The following GALNT17 variants were observed in gnomAD, a reference collection of about 807,000 sequenced individuals.
GALNT17 encodes polypeptide N-acetylgalactosaminyltransferase 17.
GALNT17 carries 29 observed loss-of-function variants against 63.7 expected under a neutral mutation model. The observed-to-expected ratio is 0.46, with a 90% confidence interval of 0.34 to 0.62. The LOEUF (loss-of-function observed/expected upper bound fraction) is 0.62, where lower values mean the gene tolerates loss of function less well. GALNT17 is among the 20% of genes least tolerant of loss of function. The pLI is 0.01. For missense variants in GALNT17, 603 were observed against 799.6 expected (o/e 0.75, Z 2.97); for synonymous variants, 305 against 318.3 (o/e 0.96, Z 0.45).
chr7:71,179,011 T>C (rs1788688191), intron 1 of GALNT17, among the ~76,000 whole-genome samples: 1 of 152,216 alleles, frequency 6.6e-6, no homozygotes, highest in African/African-American at 2.4e-5. Context: ...AATGGATTTT[T>C]ATCTAACAGA....
intron 6 of GALNT17, among the ~76,000 whole-genome samples, chr7:71,581,812 C>T (rs1789639535): frequency 6.6e-6 from 1 of 152,136 alleles, no homozygotes; most frequent in Admixed American, 6.5e-5. Flanking sequence ...AGTAGCAGTT[C>T]TCTCTAACCT....
At chr7:71,351,942 G>A (rs927195006) in intron 2 of GALNT17, among the ~76,000 whole-genome samples, 1 of 152,122 alleles carries the variant, frequency 6.6e-6, no homozygotes, top group African/African-American at 2.4e-5. Flanking sequence ...AGAGATGTAA[G>A]GAGTCCAGTT....
At position 71,603,437 on chromosome 7, in the gene GALNT17, A is replaced by T. The variant is rs193207931; in HGVS notation, c.1080+32035A>T. Among the ~76,000 whole-genome samples, 7 of 152,246 alleles carry T rather than the reference A, an allele frequency of 4.6e-5. No homozygotes were observed. The East Asian group carries it at 1.4e-3, about 29-fold the overall frequency. On this transcript the variant is annotated intron_variant, in intron 6 of 10. Coordinates refer to ENST00000333538, the MANE Select transcript of GALNT17 (RefSeq NM_022479.3). Reference sequence around the variant, plus strand: ...ACTATGCTAAGTGCATATACCAGATACTATGCGAAGTGCATATACCAGGTA... The same window carrying T: ...ACTATGCTAAGTGCATATACCAGATTCTATGCGAAGTGCATATACCAGGTA...
chr7:71,504,750 A>G (rs534941659), intron 5 of GALNT17, among the ~76,000 whole-genome samples: 2 of 152,044 alleles, frequency 1.3e-5, no homozygotes, highest in Non-Finnish European at 1.5e-5. Flanking sequence ...CAGTTTACTT[A>G]TTGGGCCTGG....
At chr7:71,374,085 C>T (rs1792677137) in intron 2 of GALNT17, among the ~76,000 whole-genome samples, 1 of 152,042 alleles carries the variant, frequency 6.6e-6, no homozygotes, top group Non-Finnish European at 1.5e-5. Context: ...AAAGGTAATG[C>T]GTTTTTGGTG....
At chr7:71,222,861 AG>A (rs1789612675) in intron 1 of GALNT17, among the ~76,000 whole-genome samples, 3 of 152,124 alleles carry the variant, frequency 2.0e-5, no homozygotes. Flanking sequence ...ACTTGAGGCC[AG>A]GAGTTCAAGG....
rs181608332 is a variant in GALNT17 at position 71,403,963 on chromosome 7, A to G, written c.590-11926A>G. ...GAAAGAAAAACACAGCCCAGCCTGT[A>G]GACAAATTTGATTGCTGAAATTCAC... is the stretch of plus-strand genomic sequence containing the variant. On this transcript the variant is annotated intron_variant, in intron 3 of 10. Transcript: ENST00000333538. Among the ~76,000 whole-genome samples, 3 of 152,366 alleles carry G rather than the reference A, an allele frequency of 2.0e-5. No homozygotes were observed. In the East Asian group the frequency reaches 5.8e-4, roughly 29 times the overall value.
At chr7:71,288,393 C>A (rs1016494044) in intron 1 of GALNT17, among the ~76,000 whole-genome samples, 1 of 151,574 alleles carries the variant, frequency 6.6e-6, no homozygotes, top group Non-Finnish European at 1.5e-5. Context: ...GAAGGAAATC[C>A]ATGTAGAAGT....
chr7:71,579,739 C>T (rs978031920), intron 6 of GALNT17, among the ~76,000 whole-genome samples: 10 of 152,218 alleles, frequency 6.6e-5, no homozygotes, highest in South Asian at 2.1e-4. Context: ...TTAGATGCAG[C>T]GACAACCATC....
chr7:71,575,527 T>C (rs1789522480), intron 6 of GALNT17, among the ~76,000 whole-genome samples: 1 of 152,076 alleles, frequency 6.6e-6, no homozygotes, highest in Non-Finnish European at 1.5e-5. Flanking sequence ...TAGCTGGGAC[T>C]ACAGGTGCCT....
intron 2 of GALNT17, among the ~76,000 whole-genome samples, chr7:71,361,943 T>C (rs1164170304): frequency 6.6e-6 from 1 of 152,026 alleles, no homozygotes; most frequent in East Asian, 1.9e-4. Flanking sequence ...TCTTTTCCTG[T>C]ATGAGATTTT....
chr7:71,478,903 C>A (rs984154757), intron 5 of GALNT17, among the ~76,000 whole-genome samples: 1 of 152,164 alleles, frequency 6.6e-6, no homozygotes, highest in African/African-American at 2.4e-5. Flanking sequence ...ATTTAGGAAC[C>A]CTCTTTTGAT....
At chr7:71,374,672 C>T (rs927651402) in intron 2 of GALNT17, among the ~76,000 whole-genome samples, 1 of 151,778 alleles carries the variant, frequency 6.6e-6, no homozygotes, top group African/African-American at 2.4e-5. Context: ...AATGCATTTT[C>T]CCACATAGTA....
intron 1 of GALNT17, among the ~76,000 whole-genome samples, chr7:71,183,718 G>A (rs1254958372): frequency 6.6e-6 from 1 of 151,926 alleles, no homozygotes; most frequent in African/African-American, 2.4e-5. Context: ...GCAACATGGT[G>A]AAACCCCCAC....
At chr7:71,548,129 C>T (rs1448965545) in intron 5 of GALNT17, among the ~76,000 whole-genome samples, 1 of 151,456 alleles carries the variant, frequency 6.6e-6, no homozygotes, top group Admixed American at 6.6e-5. Flanking sequence ...GTAATCCCAG[C>T]TACTTGGGAG....
intron 5 of GALNT17, among the ~76,000 whole-genome samples, chr7:71,529,783 A>G (rs1584028389): frequency 2.6e-5 from 4 of 152,348 alleles, no homozygotes; most frequent in Middle Eastern, 6.8e-3. Context: ...ATGTACTGTT[A>G]CTGCACAACT....
chr7:71,508,942 G>A (rs1275039496), intron 5 of GALNT17, among the ~76,000 whole-genome samples: 4 of 152,120 alleles, frequency 2.6e-5, no homozygotes, highest in South Asian at 4.1e-4. Context: ...GTGTGTATGC[G>A]TGTGCATGCC....
intron 2 of GALNT17, among the ~76,000 whole-genome samples, chr7:71,378,843 T>A (rs1394255007): frequency 1.3e-5 from 2 of 151,092 alleles, no homozygotes; most frequent in African/African-American, 2.4e-5. Flanking sequence ...AATAAATAAA[T>A]AAAAATAAAT....
chr7:71,575,611 A>G (rs1340865014), intron 6 of GALNT17, among the ~76,000 whole-genome samples: 1 of 151,968 alleles, frequency 6.6e-6, no homozygotes, highest in Non-Finnish European at 1.5e-5. Flanking sequence ...GATGGTCTCG[A>G]TCTCCTGACC....
Sources: allele counts gnomAD v4.1 joint callset (sites outside exome capture counted in the v4.1 genomes callset), GRCh38; gene constraint gnomAD v4.1.1; transcripts MANE v1.5; gene names NCBI Gene and HGNC (gene_info 2026-07-23, HGNC 2026-07-21).